The following VARS2 variants were observed in gnomAD, a reference collection of about 807,000 sequenced individuals.
VARS2 encodes the protein valyl-tRNA synthetase 2, mitochondrial, also known as valine--tRNA ligase, mitochondrial.
In VARS2, 105 loss-of-function variants were observed where a neutral mutation model predicts 154.1. The ratio of observed to expected loss-of-function variants is 0.68; its 90% CI spans 0.58 to 0.80. The LOEUF is 0.80. Ranked by LOEUF, VARS2 falls within the 30% of genes least tolerant of loss-of-function variation. The probability of loss-of-function intolerance (pLI) is 0.00; values close to 1 mark genes in which losing one functional copy is unlikely to be tolerated. For synonymous variants in VARS2, 483 were observed against 539.5 expected (o/e 0.90, Z 1.45); for missense variants, 1,157 against 1,361.4 (o/e 0.85, Z 2.36).
rs777171636 is a variant in VARS2, at chr6:30,922,428, G to A, written c.1933-22G>A. On this transcript the variant is annotated intron_variant, in intron 20 of 29. Transcript: ENST00000676266. ...GGCACCTCCAAGGAAACCCCCCTCT[G>A]TTGACCCCTCCCTGCCCCCAGGTGC... is the stretch of plus-strand genomic sequence containing the variant. 4 of 1,610,136 alleles carry A rather than the reference G, an allele frequency of 2.5e-6. No homozygotes were observed. In the East Asian group the frequency reaches 8.9e-5, roughly 36 times the overall value.
chr6:30,922,038 G>T lies in VARS2; in HGVS notation c.1806+43G>T, dbSNP rs746749345. On this transcript the variant is annotated intron_variant, in intron 19 of 29. Coordinates refer to ENST00000676266, the MANE Select transcript of VARS2 (RefSeq NM_020442.6). ...GGCGAAAGTGAAGGGGAAACGATAA[G>T]GAAGGGATGGCTGGGCCCCCACAGA... 1.9e-6 allele frequency: 3 copies of T among 1,612,716 alleles called. No homozygotes were observed. In the African/African-American group the frequency reaches 4.0e-5, roughly 22 times the overall value.
rs1238720238 is a variant in VARS2 at position 30,923,242 on chromosome 6, AC to A, written c.2313+12del. 3 of 1,612,936 alleles carry A rather than the reference AC, an allele frequency of 1.9e-6. No individual in the cohort carries two copies. In the Admixed American group the frequency reaches 5.0e-5, roughly 27 times the overall value. ...CAGCCTGCTGAGGAGGTAAGAGAAA[AC>A]AGAGGTGCTTGGGAGTAGGGTAGTC... is the stretch of plus-strand genomic sequence containing the variant. On this transcript the variant is annotated intron_variant, in intron 24 of 29. Coordinates refer to ENST00000676266, the MANE Select transcript of VARS2 (RefSeq NM_020442.6).
At position 30,917,019 on chromosome 6, in the gene VARS2, G is replaced by A; in HGVS notation, c.753+60G>A. 3.1e-6 allele frequency: 5 copies of A among 1,613,456 alleles called. No individual in the cohort carries two copies. The highest frequency in any genetic ancestry group is 4.2e-6 in the Non-Finnish European group (5 of 1,179,416). On this transcript the variant is annotated intron_variant, in intron 8 of 29. Transcript: ENST00000676266. The surrounding 1 kb of genome is among the most constrained non-coding windows in gnomAD (Gnocchi z 4.4). Reference sequence around the variant, plus strand: ...GGGCGATGTTTAGGGATCTGTGTGGGGCAGGGAGGAAGCAATGCCTGGGTC... The same window carrying A: ...GGGCGATGTTTAGGGATCTGTGTGGAGCAGGGAGGAAGCAATGCCTGGGTC...
chr6:30,915,868 G>A lies in VARS2; in HGVS notation c.506+1G>A, dbSNP rs1248139566. ...CCATACAGGATGCCCTCGTGCGCTG[G>A]TGAGAGGGGAGTGGGGGCTGCTTGA... On this transcript the variant is annotated splice_donor_variant, in intron 5 of 29. Transcript: ENST00000676266. LOFTEE classifies it high-confidence loss of function. 6.2e-7 allele frequency: 1 copy of A among 1,613,996 alleles called. No homozygotes were observed. Among genetic ancestry groups the A allele is most frequent in the African/African-American group, 1.3e-5 (1 of 74,920 alleles).
chr6:30,924,181 C>A (rs1794701929), intron 25 of VARS2, 173 bp from the exon 26 acceptor site: 2 of 634,322 alleles, frequency 3.2e-6, no homozygotes, highest in Admixed American at 2.8e-5. Context: ...CTGGAGTCCC[C>A]TTCTTTGTGC....
chr6:30,918,275 T>G (rs1794300225), intron 10 of VARS2, among the ~76,000 whole-genome samples: 2 of 152,166 alleles, frequency 1.3e-5, no homozygotes, highest in Non-Finnish European at 2.9e-5. Context: ...ACCATGTTGG[T>G]CAGGTTGGTC....
Position 30,922,456 on chromosome 6 carries a change from C to T in VARS2, c.1939C>T (p.Leu647Phe). 1.2e-6 allele frequency: 2 copies of T among 1,605,930 alleles called. No homozygotes were observed. Among genetic ancestry groups the T allele is most frequent in the Non-Finnish European group, 8.5e-7 (1 of 1,176,858 alleles). The change falls in exon 21 of 30, where the codon CTT becomes TTT. Residue 647 changes from leucine to phenylalanine, a missense_variant. Physicochemically the swap from Leu to Phe is conservative, Grantham distance 22. Transcript: ENST00000676266. ...TGQLPFSKVL[L>F]HPMVRDRQGR... ...GACCCCTCCCTGCCCCCAGGTGCTT[C>T]TTCATCCCATGGTTCGGGACAGGCA...
In VARS2 at chr6:30,922,704, A is replaced by G. The variant is rs759199684; in HGVS notation, c.2038-2A>G. 4 of 1,612,182 alleles carry G rather than the reference A, an allele frequency of 2.5e-6. No individual in the cohort carries two copies. The Admixed American group carries it at 5.0e-5, about 20-fold the overall frequency. On this transcript the variant is annotated splice_acceptor_variant, in intron 21 of 29. Coordinates refer to ENST00000676266, the MANE Select transcript of VARS2 (RefSeq NM_020442.6). LOFTEE classifies it high-confidence loss of function. The stretch of plus-strand genomic sequence containing the variant: ...TCGTGAATTGCCCCCTTCCATCCCC[A>G]GGTGCTGCAGGAAAAGCTGAGAAGC...
chr6:30,920,861 G>T lies in VARS2; in HGVS notation c.1479+112G>T. ...TCCTGCCCTGAAGACCTCTCCAGCT[G>T]TGGTAACTGAGAGGATGTGTGGGAT... On this transcript the variant is annotated intron_variant, in intron 15 of 29. Coordinates refer to ENST00000676266, the MANE Select transcript of VARS2 (RefSeq NM_020442.6). This position sits in a 1 kb window ranked among gnomAD's most constrained non-coding sequence, Gnocchi z 4.6. The T allele has an allele frequency of 8.9e-7, 1 of 1,121,978 alleles. No homozygotes were observed. Among genetic ancestry groups the T allele is most frequent in the South Asian group, 1.6e-5 (1 of 62,268 alleles). 69.5% of individuals were successfully genotyped at this position (1,121,978 alleles called of 1,614,324 possible). A position where few individuals can be genotyped will look rare whatever the true frequency, so the allele number is the denominator to read the frequency against.
chr6:30,916,720 G>A lies in VARS2; in HGVS notation c.672-158G>A. 1 of 680,180 alleles carries A rather than the reference G, an allele frequency of 1.5e-6. No homozygotes were observed. Among genetic ancestry groups the A allele is most frequent in the Non-Finnish European group, 2.6e-6 (1 of 387,250 alleles). 42.1% of individuals were successfully genotyped at this position (680,180 alleles called of 1,614,324 possible). The stretch of plus-strand genomic sequence containing the variant: ...TTAATATCTTAGAAAACCCCATACT[G>A]GGTTTGTAAGTCCATTTCTATTAGC... On this transcript the variant is annotated intron_variant, in intron 7 of 29. Transcript: ENST00000676266. The surrounding 1 kb of genome is among the most constrained non-coding windows in gnomAD (Gnocchi z 4.0).
chr6:30,925,919 G>A lies in VARS2; in HGVS notation c.3001G>A (p.Ala1001Thr), dbSNP rs756388943. The A allele has an allele frequency of 3.7e-6, 6 of 1,612,920 alleles. No homozygotes were observed. Among genetic ancestry groups the A allele is most frequent in the East Asian group, 4.5e-5 (2 of 44,894 alleles). ...DPQIQLPLLAARRYKLQKQLD... is the reference protein window; with the variant it reads ...DPQIQLPLLATRRYKLQKQLD... ...GCAGATCCAGCTACCTCTGTTAGCC[G>A]CCCGAAGGTACAAGTTGCAGAAGCA... Residue 1001 changes from alanine to threonine, a missense_variant, in exon 29 of 30, where the codon GCC becomes ACC. Physicochemically the swap from Ala to Thr is moderately conservative, Grantham distance 58 (BLOSUM62 0). Transcript: ENST00000676266.
intron 10 of VARS2, among the ~76,000 whole-genome samples, chr6:30,918,214 C>T (rs546016528): frequency 6.6e-6 from 1 of 152,238 alleles, no homozygotes; most frequent in South Asian, 2.1e-4. Context: ...ATTACAGGCG[C>T]GTGCCACCAG....
intron 1 of VARS2, 166 bp downstream of exon 1, chr6:30,914,510 C>T: frequency 2.2e-6 from 3 of 1,343,934 alleles, no homozygotes; most frequent in Non-Finnish European, 2.9e-6. Context: ...CTTGCTGGCT[C>T]TTGGGCGCGC....
Position 30,915,859 on chromosome 6 carries a change from C to T in VARS2, c.498C>T (p.Leu166=), listed in dbSNP as rs773006595. 2.5e-5 allele frequency: 41 copies of T among 1,613,914 alleles called. No individual in the cohort carries two copies. The highest frequency in any genetic ancestry group is 3.2e-5 in the Non-Finnish European group (38 of 1,180,020). Residue 166 remains leucine, a synonymous_variant, in exon 5 of 30, where the codon CTC becomes CTT. Coordinates refer to ENST00000676266, the MANE Select transcript of VARS2 (RefSeq NM_020442.6). ...HALTVAIQDA[L]VRWHRMRGDQ... Reference sequence around the variant, plus strand: ...TCACGGTGGCCATACAGGATGCCCTCGTGCGCTGGTGAGAGGGGAGTGGGG... The same window carrying T: ...TCACGGTGGCCATACAGGATGCCCTTGTGCGCTGGTGAGAGGGGAGTGGGG...
chr6:30,920,670 GT>G lies in VARS2; in HGVS notation c.1402del (p.Ser468LeufsTer4). On this transcript the variant is annotated frameshift_variant, in exon 15 of 30. Coordinates refer to ENST00000676266, the MANE Select transcript of VARS2 (RefSeq NM_020442.6). LOFTEE classifies it high-confidence loss of function. The surrounding 1 kb of genome is among the most constrained non-coding windows in gnomAD (Gnocchi z 4.6). ...GACTCACCCTGTCTCTCTTTCAGCC[GT>G]TCTGGGGATGTGATAGAATACCTGC... ...NHPMVLPICS[R>X]SGDVIEYLLK... The G allele has an allele frequency of 2.5e-6, 4 of 1,586,492 alleles. No homozygotes were observed. The highest frequency in any genetic ancestry group is 1.7e-6 in the Non-Finnish European group (2 of 1,166,878).
chr6:30,921,021 C>A lies in VARS2; in HGVS notation c.1480-44C>A. ...CTCGTCCTATCTGTGGAGGTGCGGC[C>A]GTGCAGGAAGGGCAACATTGTCTAA... On this transcript the variant is annotated intron_variant, in intron 15 of 29. Coordinates refer to ENST00000676266, the MANE Select transcript of VARS2 (RefSeq NM_020442.6). This position sits in a 1 kb window ranked among gnomAD's most constrained non-coding sequence, Gnocchi z 4.6. 1 of 1,566,878 alleles carries A rather than the reference C, an allele frequency of 6.4e-7. No individual in the cohort carries two copies. Among genetic ancestry groups the A allele is most frequent in the South Asian group, 1.2e-5 (1 of 83,610 alleles).
rs1345161254 is a variant in VARS2 at position 30,915,187 on chromosome 6, C to T, written c.233C>T (p.Pro78Leu). Residue 78 changes from proline to leucine, a missense_variant, in exon 3 of 30, where the codon CCT becomes CTT. Physicochemically the swap from Pro to Leu is moderately conservative, Grantham distance 98. Coordinates refer to ENST00000676266, the MANE Select transcript of VARS2 (RefSeq NM_020442.6). ...SPAESIKAWR[P>L]KELVLYEIPT... The stretch of plus-strand genomic sequence containing the variant: ...GCAGAATCCATTAAGGCCTGGAGGC[C>T]TAAGGAGTTAGTATTGTATGAAATC... 6.2e-7 allele frequency: 1 copy of T among 1,614,176 alleles called. No homozygotes were observed. The highest frequency in any genetic ancestry group is 8.5e-7 in the Non-Finnish European group (1 of 1,180,026).
Position 30,917,224 on chromosome 6 carries a change from G to T in VARS2, c.873G>T (p.Glu291Asp). The change falls in exon 9 of 30, where the codon GAG (glutamate) becomes GAT (aspartate). Residue 291 changes from glutamate to aspartate, a missense_variant and splice_region_variant. Glu to Asp is a conservative substitution (Grantham distance 45). Transcript: ENST00000676266. This position sits in a 1 kb window ranked among gnomAD's most constrained non-coding sequence, Gnocchi z 4.4. ...CALRSAISDIEVENRPLPGHT... is the reference protein window; with the variant it reads ...CALRSAISDIDVENRPLPGHT... ...TAAGATCAGCCATCTCGGACATTGA[G>T]GTGAGGCGGAGAGAGGGAAGCAGGT... The T allele has an allele frequency of 6.2e-7, 1 of 1,614,182 alleles. No individual in the cohort carries two copies. Among genetic ancestry groups the T allele is most frequent in the Non-Finnish European group, 8.5e-7 (1 of 1,180,050 alleles).
chr6:30,914,667 T>TCTCAAGATACCACAAAAC, intron 1 of VARS2, 143 bp from the exon 2 acceptor site: 1 of 1,075,010 alleles, frequency 9.3e-7, no homozygotes, highest in Non-Finnish European at 1.3e-6. Flanking sequence ...GCACTCTAGC[T>TCTCAAGATACCACAAAAC]CTCAAGGAGG....
Sources: allele counts gnomAD v4.1 joint callset (sites outside exome capture counted in the v4.1 genomes callset), GRCh38; gene constraint gnomAD v4.1.1; non-coding constraint Gnocchi (gnomAD v3.1); transcripts MANE v1.5; gene names NCBI Gene and HGNC (gene_info 2026-07-23, HGNC 2026-07-21).